CCDC85A: variants seen among roughly 807,000 people sequenced by gnomAD.
CCDC85A encodes coiled-coil domain-containing protein 85A.
In CCDC85A, 38 loss-of-function variants were observed where a neutral mutation model predicts 50.2. The observed-to-expected ratio is 0.76, with a 90% confidence interval of 0.58 to 0.99. The LOEUF is 0.99. CCDC85A is among the 50% of genes least tolerant of loss of function. CCDC85A has a pLI of 0.00. For missense variants in CCDC85A, 820 were observed against 742.0 expected (o/e 1.11, Z -1.22); for synonymous variants, 366 against 301.4 (o/e 1.21, Z -2.22).
intron 3 of CCDC85A, among the ~76,000 whole-genome samples, chr2:56,348,686 G>T (rs187240486): frequency 6.6e-6 from 1 of 152,278 alleles, no homozygotes; most frequent in African/African-American, 2.4e-5. Context: ...TGGCAACACA[G>T]TGCAGGTCCA....
At chr2:56,312,566 A>G (rs1387770510) in intron 2 of CCDC85A, among the ~76,000 whole-genome samples, 3 of 152,100 alleles carry the variant, frequency 2.0e-5, no homozygotes, top group Non-Finnish European at 4.4e-5. Context: ...ATTTATGATG[A>G]TTTTATTTTT....
At chr2:56,213,266 C>A (rs1677254731) in intron 2 of CCDC85A, among the ~76,000 whole-genome samples, 1 of 152,018 alleles carries the variant, frequency 6.6e-6, no homozygotes, top group Non-Finnish European at 1.5e-5. Flanking sequence ...AACAAGCTTT[C>A]AGTGTGTCCA....
chr2:56,361,841 G>T (rs1675540664), intron 3 of CCDC85A, among the ~76,000 whole-genome samples: 1 of 152,180 alleles, frequency 6.6e-6, no homozygotes, highest in Admixed American at 6.5e-5. Context: ...TCACATTTTT[G>T]AAGGATCAGT....
chr2:56,244,813 T>C (rs1669426799), intron 2 of CCDC85A, among the ~76,000 whole-genome samples: 1 of 151,964 alleles, frequency 6.6e-6, no homozygotes, highest in African/African-American at 2.4e-5. Flanking sequence ...AGTCTTTCCT[T>C]TGAAGCAGTG....
chr2:56,356,480 G>T (rs1377958968), intron 3 of CCDC85A, among the ~76,000 whole-genome samples: 1 of 152,124 alleles, frequency 6.6e-6, no homozygotes, highest in Non-Finnish European at 1.5e-5. Flanking sequence ...AATTGAAAAA[G>T]ACTTTGGCTG....
In CCDC85A at chr2:56,184,225, G is replaced by A; in HGVS notation, c.-400G>A. ...AGTGCGTGTGCGTGCACGCCTGTGT[G>A]CAGGGCAGAGAGTGCGGGGGGCGAC... On this transcript the variant is annotated 5_prime_UTR_variant, in exon 1 of 6. Coordinates refer to ENST00000407595, the MANE Select transcript of CCDC85A (RefSeq NM_001080433.2). 1 of 989,792 alleles carries A rather than the reference G, an allele frequency of 1.0e-6. No homozygotes were observed. The highest frequency in any genetic ancestry group is 4.7e-5 in the South Asian group (1 of 21,220). 61.3% of individuals were successfully genotyped at this position (989,792 alleles called of 1,614,324 possible).
chr2:56,340,051 A>C (rs1156665511), intron 2 of CCDC85A, among the ~76,000 whole-genome samples: 1 of 152,130 alleles, frequency 6.6e-6, no homozygotes, highest in African/African-American at 2.4e-5. Context: ...AATTGTCTCC[A>C]ATGGTGTGAG....
chr2:56,280,164 T>C (rs888281), intron 2 of CCDC85A, among the ~76,000 whole-genome samples: 57,789 of 152,034 alleles, frequency 0.38, 11,264 homozygotes, highest in East Asian at 0.53. Context: ...CTTTTGAGTT[T>C]CATAGAATTT....
intron 2 of CCDC85A, among the ~76,000 whole-genome samples, chr2:56,238,190 C>T (rs1356136526): frequency 5.3e-5 from 8 of 151,952 alleles, no homozygotes; most frequent in Admixed American, 1.3e-4. Flanking sequence ...CCGAGGTGGG[C>T]GGATCACCTG....
intron 3 of CCDC85A, among the ~76,000 whole-genome samples, chr2:56,353,656 G>C (rs1675068947): frequency 6.6e-6 from 1 of 152,200 alleles, no homozygotes; most frequent in Non-Finnish European, 1.5e-5. Flanking sequence ...ATGGAATGCT[G>C]GTACAGCCAC....
At chr2:56,241,659 G>A (rs1007865988) in intron 2 of CCDC85A, among the ~76,000 whole-genome samples, 1 of 152,114 alleles carries the variant, frequency 6.6e-6, no homozygotes, top group Admixed American at 6.6e-5. Flanking sequence ...CAAATGACAA[G>A]ATCTCATTCT....
chr2:56,342,680 A>G (rs939491675), intron 2 of CCDC85A, among the ~76,000 whole-genome samples, 199 bp from the exon 3 acceptor site: 4 of 152,078 alleles, frequency 2.6e-5, no homozygotes, highest in African/African-American at 7.2e-5. Flanking sequence ...ATATTTCTTA[A>G]CGTTGTAAAA....
At chr2:56,229,574 A>G (rs1668691153) in intron 2 of CCDC85A, among the ~76,000 whole-genome samples, 1 of 152,150 alleles carries the variant, frequency 6.6e-6, no homozygotes, top group Non-Finnish European at 1.5e-5. Context: ...GAAAGGAGAG[A>G]AAGAAAAACA....
At chr2:56,230,187 A>T (rs1668718236) in intron 2 of CCDC85A, among the ~76,000 whole-genome samples, 1 of 152,116 alleles carries the variant, frequency 6.6e-6, no homozygotes, top group African/African-American at 2.4e-5. Flanking sequence ...CATTTTCTTG[A>T]GGCTGGATGA....
Position 56,184,323 on chromosome 2 carries a change from C to T in CCDC85A, c.-302C>T. On this transcript the variant is annotated 5_prime_UTR_variant, in exon 1 of 6. Transcript: ENST00000407595. ...TCCCCCGCTGTCCCCGAGGATTTCCCGCGGCAGCCCCGGGCTCCCCAGTGC... is the reference window on the plus strand; with the variant it reads ...TCCCCCGCTGTCCCCGAGGATTTCCTGCGGCAGCCCCGGGCTCCCCAGTGC... 1.7e-6 allele frequency: 1 copy of T among 589,336 alleles called. No homozygotes were observed. The highest frequency in any genetic ancestry group is 6.3e-4 in the Middle Eastern group (1 of 1,590). The allele number at this position is 589,336 out of a possible 1,614,324, so 36.5% of individuals were successfully genotyped here. A position where few individuals can be genotyped will look rare whatever the true frequency, so the allele number is the denominator to read the frequency against.
chr2:56,367,800 A>G (rs78932622), intron 3 of CCDC85A, among the ~76,000 whole-genome samples: 2,213 of 152,320 alleles, frequency 0.015, 55 homozygotes, highest in African/African-American at 0.051. Context: ...AAAAACATTC[A>G]TGATAAGGAC....
intron 2 of CCDC85A, among the ~76,000 whole-genome samples, chr2:56,241,986 C>G (rs1036704424): frequency 6.6e-5 from 10 of 152,120 alleles, no homozygotes; most frequent in African/African-American, 2.2e-4. Flanking sequence ...TACTTGCCAG[C>G]CTTTGTTATT....
chr2:56,372,726 C>A (rs1464993578), intron 4 of CCDC85A, among the ~76,000 whole-genome samples: 1 of 152,070 alleles, frequency 6.6e-6, no homozygotes, highest in African/African-American at 2.4e-5. Flanking sequence ...AACAAAAGTA[C>A]CCTGGACATT....
intron 2 of CCDC85A, among the ~76,000 whole-genome samples, chr2:56,246,816 A>G (rs894326415): frequency 1.3e-5 from 2 of 152,170 alleles, no homozygotes; most frequent in African/African-American, 4.8e-5. Context: ...AAAGAGCTAA[A>G]ATTTCACTTG....
Sources: allele counts gnomAD v4.1 joint callset (sites outside exome capture counted in the v4.1 genomes callset), GRCh38; gene constraint gnomAD v4.1.1; transcripts MANE v1.5; gene names NCBI Gene and HGNC (gene_info 2026-07-23, HGNC 2026-07-21).